FMN1: variants seen among roughly 807,000 people sequenced by gnomAD.
FMN1 encodes formin 1.
Under a neutral mutation model 132.4 loss-of-function variants are expected in FMN1, and 110 were observed. The ratio of observed to expected loss-of-function variants is 0.83; its 90% CI spans 0.71 to 0.97. The LOEUF (loss-of-function observed/expected upper bound fraction) is 0.97. Among genes scored for constraint, FMN1 ranks in the 50% least tolerant of loss-of-function variants. The pLI, the probability that FMN1 is intolerant of heterozygous loss-of-function variation, is 0.00. For missense variants in FMN1, 1,792 were observed against 1,705.3 expected (o/e 1.05, Z -0.90); for synonymous variants, 722 against 651.7 (o/e 1.11, Z -1.64).
At chr15:33,194,319 C>A (rs1966192805) in intron 1 of FMN1, among the ~76,000 whole-genome samples, 2 of 114,932 alleles carry the variant, frequency 1.7e-5, no homozygotes, top group African/African-American at 6.7e-5. Context: ...GGGGCTGGGA[C>A]CTGAGAGTCA....
chr15:32,897,659 A>G (rs1346537380), intron 15 of FMN1, among the ~76,000 whole-genome samples: 1 of 152,230 alleles, frequency 6.6e-6, no homozygotes, highest in African/African-American at 2.4e-5. Context: ...TCACTTGAAA[A>G]TGGGGAGCCA....
At chr15:33,127,337 C>T (rs1487411254) in intron 4 of FMN1, among the ~76,000 whole-genome samples, 1 of 150,592 alleles carries the variant, frequency 6.6e-6, no homozygotes, top group Non-Finnish European at 1.5e-5. Flanking sequence ...CAACCTGGAC[C>T]CTAAATCCCT....
At chr15:32,852,294 C>T (rs1028506852) in intron 17 of FMN1, among the ~76,000 whole-genome samples, 3 of 152,204 alleles carry the variant, frequency 2.0e-5, no homozygotes, top group Admixed American at 2.0e-4. Flanking sequence ...TCATTTTGTA[C>T]ATCCAATTTA....
At chr15:33,109,047 C>T (rs1254491353) in intron 4 of FMN1, among the ~76,000 whole-genome samples, 3 of 152,052 alleles carry the variant, frequency 2.0e-5, no homozygotes, top group Non-Finnish European at 4.4e-5. Context: ...ACCTAGCAAA[C>T]TTGTCATAAC....
intron 6 of FMN1, among the ~76,000 whole-genome samples, chr15:33,037,453 G>A (rs2036239506): frequency 6.6e-6 from 1 of 152,184 alleles, no homozygotes; most frequent in Non-Finnish European, 1.5e-5. Context: ...GGGTGGGGTG[G>A]CGAGAGAAGG....
At chr15:32,898,473 T>C (rs886791837) in intron 15 of FMN1, among the ~76,000 whole-genome samples, 1 of 152,210 alleles carries the variant, frequency 6.6e-6, no homozygotes, top group Non-Finnish European at 1.5e-5. Flanking sequence ...TGAGTCTTAC[T>C]TTCCTAAATT....
intron 14 of FMN1, among the ~76,000 whole-genome samples, chr15:32,899,565 GTTGTGGCAAAAAAT>G (rs2060245667): frequency 6.6e-6 from 1 of 152,142 alleles, no homozygotes; most frequent in Non-Finnish European, 1.5e-5. Context: ...CAGCCCAATT[GTTGTGGCAAAAAAT>G]TGGTGATTCA....
At chr15:32,977,144 G>A (rs2032275135) in intron 7 of FMN1, among the ~76,000 whole-genome samples, 1 of 152,116 alleles carries the variant, frequency 6.6e-6, no homozygotes, top group Non-Finnish European at 1.5e-5. Context: ...CAATGCATTT[G>A]CATTACATCA....
At chr15:33,009,911 G>A (rs1196804440) in intron 6 of FMN1, among the ~76,000 whole-genome samples, 1 of 147,128 alleles carries the variant, frequency 6.8e-6, no homozygotes, top group African/African-American at 2.6e-5. Flanking sequence ...TTTTTGAGAT[G>A]GAGTTTCACT....
intron 17 of FMN1, among the ~76,000 whole-genome samples, chr15:32,842,251 A>G (rs1002521187): frequency 6.6e-6 from 1 of 152,196 alleles, no homozygotes; most frequent in African/African-American, 2.4e-5. Context: ...AGAAAGCGCA[A>G]GCCATGTGGA....
At chr15:32,942,344 G>T (rs866546502) in intron 9 of FMN1, among the ~76,000 whole-genome samples, 28 of 152,218 alleles carry the variant, frequency 1.8e-4, no homozygotes, top group African/African-American at 6.3e-4. Context: ...TTCAACCTCA[G>T]CTAGAAAAGT....
intron 3 of FMN1, among the ~76,000 whole-genome samples, chr15:33,165,540 G>A (rs566629188): frequency 4.7e-4 from 71 of 152,106 alleles, no homozygotes; most frequent in Non-Finnish European, 6.5e-4. Flanking sequence ...ACAGGCGCCC[G>A]CCACCACGCC....
At chr15:33,189,373 T>C (rs139064193) in intron 2 of FMN1, among the ~76,000 whole-genome samples, 36 of 152,312 alleles carry the variant, frequency 2.4e-4, no homozygotes, top group African/African-American at 7.9e-4. Context: ...TTTAAAAAAT[T>C]ATTTGCAAAG....
At chr15:33,037,225 G>A (rs900160878) in intron 6 of FMN1, among the ~76,000 whole-genome samples, 1 of 152,192 alleles carries the variant, frequency 6.6e-6, no homozygotes, top group Non-Finnish European at 1.5e-5. Context: ...CAAACACACT[G>A]GACGGTTTTC....
rs1357319794 is a variant in FMN1 at position 32,927,725 on chromosome 15, C to T, written c.3139-1464G>A. 2.0e-5 allele frequency among the ~76,000 whole-genome samples: 3 copies of T among 152,116 alleles called. No homozygotes were observed. In the South Asian group the frequency reaches 6.2e-4, roughly 32 times the overall value. On this transcript the variant is annotated intron_variant, in intron 9 of 20. Coordinates refer to ENST00000616417, the MANE Select transcript of FMN1 (RefSeq NM_001277313.2). The stretch of plus-strand genomic sequence containing the variant: ...AAATCAGCTCCCTGGTAACATATCA[C>T]GAAGCTGCCACTAAGGGAAAAAAAC...
At chr15:33,137,165 A>C (rs189037160) in intron 4 of FMN1, among the ~76,000 whole-genome samples, 16 of 152,160 alleles carry the variant, frequency 1.1e-4, no homozygotes, top group Admixed American at 3.9e-4. Flanking sequence ...GAATCTGATA[A>C]CAATGTATGT....
At chr15:32,996,878 T>C (rs892892507) in intron 7 of FMN1, among the ~76,000 whole-genome samples, 9 of 152,212 alleles carry the variant, frequency 5.9e-5, no homozygotes, top group East Asian at 5.8e-4. Context: ...AATCACCCCA[T>C]AGGCCTGTTA....
At chr15:33,167,927 A>T (rs1429792328) in intron 3 of FMN1, among the ~76,000 whole-genome samples, 1 of 152,228 alleles carries the variant, frequency 6.6e-6, no homozygotes. Flanking sequence ...GAGGCAGAAG[A>T]AGTGAAGGAG....
At chr15:33,010,792 A>C (rs145296208) in intron 6 of FMN1, among the ~76,000 whole-genome samples, 17 of 152,134 alleles carry the variant, frequency 1.1e-4, no homozygotes, top group Non-Finnish European at 2.2e-4. Flanking sequence ...AAAGAAAAGC[A>C]TAACACTTAC....
Sources: gnomAD v4.1 joint callset for allele counts (sites outside exome capture counted in the v4.1 genomes callset) on GRCh38, gnomAD v4.1.1 for gene constraint, MANE v1.5 for transcripts, NCBI Gene and HGNC (gene_info 2026-07-23, HGNC 2026-07-21) for gene names.